CAMKMT: variants seen among roughly 807,000 people sequenced by gnomAD.
The protein encoded by CAMKMT is calmodulin-lysine N-methyltransferase.
In CAMKMT, 53 loss-of-function variants were observed where a neutral mutation model predicts 48.0. The observed-to-expected ratio is 1.10, with a 90% CI of 0.89 to 1.39. The LOEUF is 1.39. CAMKMT is among the 40% of genes most tolerant of loss of function. CAMKMT has a pLI of 0.00. For synonymous variants in CAMKMT, 165 were observed against 152.3 expected, an observed-to-expected ratio of 1.08 and a Z score of -0.61; for missense variants, 428 against 402.7, an observed-to-expected ratio of 1.06 and a Z score of -0.54.
At chr2:44,456,528 A>C in intron 3 of CAMKMT, 1 of 1,546,082 alleles carries the variant, frequency 6.5e-7, no homozygotes. Context: ...AACTACAGCC[A>C]AGTTTACCTT....
chr2:44,515,517 C>T (rs777230626), intron 3 of CAMKMT, among the ~76,000 whole-genome samples: 29 of 152,256 alleles, frequency 1.9e-4, no homozygotes, highest in Non-Finnish European at 2.1e-4. Context: ...AGAGATCTTA[C>T]TTCTAGGGAA....
Position 44,753,954 on chromosome 2 carries a change from G to C in CAMKMT, c.699-101G>C, listed in dbSNP as rs530076847. 5.6e-5 allele frequency: 44 copies of C among 787,152 alleles called. No individual in the cohort carries two copies. In the Middle Eastern group the frequency reaches 6.3e-3, roughly 113 times the overall value. The allele number at this position is 787,152 out of a possible 1,614,324, so 48.8% of individuals were successfully genotyped here. A position where few individuals can be genotyped will look rare whatever the true frequency, so the allele number is the denominator to read the frequency against. On this transcript the variant is annotated intron_variant, in intron 8 of 10. Coordinates refer to ENST00000378494, the MANE Select transcript of CAMKMT (RefSeq NM_024766.5). ...TAGGAAACAATTTCTCTTTTTTAGC[G>C]TTGGGTAAACATGTGTAATTAGCCT...
chr2:44,451,326 A>G (rs541208650), intron 3 of CAMKMT, among the ~76,000 whole-genome samples: 1 of 152,158 alleles, frequency 6.6e-6, no homozygotes, highest in South Asian at 2.1e-4. Context: ...TTCATTTCTG[A>G]TACATTAATG....
At chr2:44,521,630 C>G (rs562362992) in intron 3 of CAMKMT, among the ~76,000 whole-genome samples, 3 of 152,334 alleles carry the variant, frequency 2.0e-5, no homozygotes, top group African/African-American at 7.2e-5. Context: ...GGTTAGGCAA[C>G]TTGCCTAGAA....
chr2:44,660,565 A>G (rs903418027), intron 3 of CAMKMT, among the ~76,000 whole-genome samples: 3 of 152,208 alleles, frequency 2.0e-5, no homozygotes, highest in African/African-American at 4.8e-5. Context: ...GGGTCAAACT[A>G]TGGTTGACAA....
intron 9 of CAMKMT, among the ~76,000 whole-genome samples, 170 bp downstream of exon 9, chr2:44,754,288 A>G (rs1680276816): frequency 6.6e-6 from 1 of 152,218 alleles, no homozygotes; most frequent in African/African-American, 2.4e-5. Context: ...CCTAATCATA[A>G]CTAGGAAACT....
intron 3 of CAMKMT, among the ~76,000 whole-genome samples, chr2:44,695,887 C>T (rs1030400466): frequency 6.6e-6 from 1 of 151,482 alleles, no homozygotes; most frequent in African/African-American, 2.4e-5. Flanking sequence ...ATTCAGCCAA[C>T]CTCTGATCCA....
intron 7 of CAMKMT, among the ~76,000 whole-genome samples, chr2:44,736,163 C>A (rs185345163): frequency 2.8e-4 from 42 of 152,246 alleles, no homozygotes; most frequent in Admixed American, 6.5e-4. Context: ...TTTTCTTCTG[C>A]CTTAAGGATT....
At position 44,427,009 on chromosome 2, in the gene CAMKMT, A is replaced by G. The variant is rs540728643; in HGVS notation, c.376+36704A>G. On this transcript the variant is annotated intron_variant, in intron 3 of 10. Transcript: ENST00000378494. ...ATGGAACAGAATAGAGAATCCTGAA[A>G]TAAAGCCATATACCTACAACCAACT... Among the ~76,000 whole-genome samples the G allele has an allele frequency of 2.2e-4, 34 of 152,330 alleles. 1 individual carries two copies. The South Asian group carries it at 7.0e-3, about 32-fold the overall frequency.
intron 3 of CAMKMT, among the ~76,000 whole-genome samples, chr2:44,556,390 C>T (rs1456782135): frequency 5.3e-5 from 8 of 150,820 alleles, no homozygotes; most frequent in Non-Finnish European, 1.0e-4. Flanking sequence ...CCACCTGCCT[C>T]GGCCTCTCAA....
chr2:44,487,118 T>A (rs978835128), intron 3 of CAMKMT, among the ~76,000 whole-genome samples: 14 of 152,176 alleles, frequency 9.2e-5, no homozygotes, highest in Admixed American at 2.0e-4. Context: ...AACTTGAGGA[T>A]AAGTGGTCAA....
intron 7 of CAMKMT, among the ~76,000 whole-genome samples, chr2:44,726,353 T>A (rs1273043611): frequency 6.6e-6 from 1 of 152,220 alleles, no homozygotes; most frequent in Non-Finnish European, 1.5e-5. Context: ...CTCACTGTGG[T>A]ATTGATTTGC....
intron 3 of CAMKMT, among the ~76,000 whole-genome samples, chr2:44,667,855 T>G (rs1480311091): frequency 6.6e-6 from 1 of 152,166 alleles, no homozygotes; most frequent in Non-Finnish European, 1.5e-5. Context: ...TGCTCATCAC[T>G]CCCTCCTCCC....
chr2:44,624,641 T>TA lies in CAMKMT; in HGVS notation c.377-79641dup, dbSNP rs1434520221. 3.9e-5 allele frequency among the ~76,000 whole-genome samples: 6 copies of TA among 152,342 alleles called. No individual in the cohort carries two copies. The East Asian group carries it at 1.2e-3, about 29-fold the overall frequency. ...TGGTTTCCAGCTTCATCCATGTTCC[T>TA]ACAAAGGACATGAACTCATCATTTT... On this transcript the variant is annotated intron_variant, in intron 3 of 10. Coordinates refer to ENST00000378494, the MANE Select transcript of CAMKMT (RefSeq NM_024766.5).
chr2:44,570,513 G>A (rs890709393), intron 3 of CAMKMT, among the ~76,000 whole-genome samples: 3 of 152,130 alleles, frequency 2.0e-5, no homozygotes, highest in African/African-American at 7.2e-5. Context: ...TCATAATAGA[G>A]ATATCTGTTC....
At chr2:44,708,626 T>C (rs1410032712) in intron 6 of CAMKMT, among the ~76,000 whole-genome samples, 3 of 152,126 alleles carry the variant, frequency 2.0e-5, no homozygotes, top group Admixed American at 6.6e-5. Context: ...TTAATCACGT[T>C]CTTGAGACTG....
intron 3 of CAMKMT, among the ~76,000 whole-genome samples, chr2:44,580,081 A>G (rs969206523): frequency 4.6e-5 from 7 of 152,000 alleles, no homozygotes; most frequent in African/African-American, 1.7e-4. Context: ...CTTGTACCCT[A>G]CCTCTAGGAG....
At chr2:44,562,592 ACT>A (rs1668381437) in intron 3 of CAMKMT, among the ~76,000 whole-genome samples, 1 of 151,870 alleles carries the variant, frequency 6.6e-6, no homozygotes, top group Non-Finnish European at 1.5e-5. Flanking sequence ...ACAGAATCTC[ACT>A]CTGTCACCTA....
At chr2:44,397,058 CAAA>C (rs59188592) in intron 3 of CAMKMT, among the ~76,000 whole-genome samples, 7,853 of 120,364 alleles carry the variant, frequency 0.065, 244 homozygotes, top group South Asian at 0.15. Flanking sequence ...GACTCCATCT[CAAA>C]AAAAAAAAAA....
Sources: allele counts gnomAD v4.1 joint callset (sites outside exome capture counted in the v4.1 genomes callset), GRCh38; gene constraint gnomAD v4.1.1; transcripts MANE v1.5; gene names NCBI Gene and HGNC (gene_info 2026-07-23, HGNC 2026-07-21).